Variants in REV3L observed in about 807,000 individuals in gnomAD.
REV3L encodes the protein DNA polymerase zeta catalytic subunit.
In REV3L, 69 loss-of-function variants were observed where a neutral mutation model predicts 299.4. The observed-to-expected ratio is 0.23, with a 90% CI of 0.19 to 0.28. The LOEUF is 0.28. Ranked by LOEUF, REV3L falls within the 10% of genes least tolerant of loss-of-function variation. The pLI is 1.00. For synonymous variants in REV3L, 1,238 were observed against 1,271.4 expected, an observed-to-expected ratio of 0.97 and a Z score of 0.56; for missense variants, 3,128 against 3,693.8, an observed-to-expected ratio of 0.85 and a Z score of 3.97.
chr6:111,377,181 A>C (rs1582758671), intron 12 of REV3L, among the ~76,000 whole-genome samples: 1 of 152,198 alleles, frequency 6.6e-6, no homozygotes, highest in East Asian at 1.9e-4. Flanking sequence ...TCCTTTTAGA[A>C]ATGAGAAGCA....
intron 11 of REV3L, among the ~76,000 whole-genome samples, chr6:111,378,197 G>C (rs1177100712): frequency 6.6e-6 from 1 of 152,174 alleles, no homozygotes; most frequent in African/African-American, 2.4e-5. Context: ...GGGCTGAAGA[G>C]AAAATGCTGA....
chr6:111,319,033 T>C (rs1029537552), intron 26 of REV3L, among the ~76,000 whole-genome samples: 3 of 152,218 alleles, frequency 2.0e-5, no homozygotes, highest in African/African-American at 4.8e-5. Flanking sequence ...AAAAGTGTTC[T>C]ATATCTTGAC....
intron 4 of REV3L, among the ~76,000 whole-genome samples, chr6:111,405,133 A>C (rs1042275837): frequency 3.9e-5 from 6 of 152,160 alleles, no homozygotes; most frequent in East Asian, 1.9e-4. Context: ...ATCACAATAC[A>C]TATCAATTGC....
chr6:111,306,812 G>C (rs1772363034), intron 31 of REV3L, among the ~76,000 whole-genome samples: 1 of 152,194 alleles, frequency 6.6e-6, no homozygotes. Flanking sequence ...GTAAGCACTA[G>C]TAGAGCAATT....
chr6:111,300,071 A>C lies in REV3L; in HGVS notation c.9338T>G (p.Val3113Gly). The change falls in exon 32 of 32, where the codon GTA (valine) becomes GGA (glycine). Residue 3113 changes from valine to glycine, a missense_variant. Val to Gly is a moderately radical substitution (Grantham distance 109). This residue lies in a region of REV3L where 294 missense variants were observed against 377.0 expected (regional missense o/e 0.78). Transcript: ENST00000368802. Reference protein sequence around the residue: ...NCPVLFKLSRVNRELSKAPYL... With the variant: ...NCPVLFKLSRGNRELSKAPYL... ...TGGTGCCTTGGACAATTCTCTATTT[A>C]CTCGGGAGAGTTTGAAAAGTACTGG... is the stretch of plus-strand genomic sequence containing the variant. 1 of 1,613,796 alleles carries C rather than the reference A, an allele frequency of 6.2e-7. No individual in the cohort carries two copies. The highest frequency in any genetic ancestry group is 8.5e-7 in the Non-Finnish European group (1 of 1,179,782).
chr6:111,432,262 A>G (rs1787028561), intron 1 of REV3L, among the ~76,000 whole-genome samples: 1 of 152,244 alleles, frequency 6.6e-6, no homozygotes, highest in African/African-American at 2.4e-5. Flanking sequence ...GGCAGAATGA[A>G]TTCTGTCTAA....
chr6:111,413,613 A>G (rs1784473441), intron 2 of REV3L, among the ~76,000 whole-genome samples: 1 of 152,064 alleles, frequency 6.6e-6, no homozygotes, highest in African/African-American at 2.4e-5. Context: ...ATGTAACTTA[A>G]GTAGGAAAAA....
chr6:111,449,943 G>GC (rs1193572329), intron 1 of REV3L, among the ~76,000 whole-genome samples: 1 of 152,082 alleles, frequency 6.6e-6, no homozygotes, highest in Non-Finnish European at 1.5e-5. Flanking sequence ...AATAGTTATT[G>GC]CAACTGTAAA....
chr6:111,343,309 T>C (rs1386277305), intron 21 of REV3L, among the ~76,000 whole-genome samples: 1 of 152,186 alleles, frequency 6.6e-6, no homozygotes, highest in Non-Finnish European at 1.5e-5. Flanking sequence ...CCAAGATAGA[T>C]TATGAATATT....
intron 1 of REV3L, among the ~76,000 whole-genome samples, chr6:111,425,650 C>CATAT (rs144467470): frequency 7.0e-4 from 103 of 147,920 alleles, no homozygotes; most frequent in African/African-American, 2.3e-3. Flanking sequence ...AATATGGCAC[C>CATAT]ATATATATAT....
At chr6:111,312,216 C>T (rs1386043605) in intron 28 of REV3L, 2 of 152,034 alleles carry the variant, frequency 1.3e-5, no homozygotes, top group East Asian at 1.9e-4. Flanking sequence ...ATTCTGCCTA[C>T]AGAGAAAGAA....
At chr6:111,300,538 ACT>A (rs980732542) in intron 31 of REV3L, among the ~76,000 whole-genome samples, 40 of 152,296 alleles carry the variant, frequency 2.6e-4, no homozygotes, top group East Asian at 5.8e-4. Flanking sequence ...TAAAAAAGTT[ACT>A]CTTTTTCGTA....
chr6:111,476,219 A>C (rs978327292), intron 1 of REV3L, among the ~76,000 whole-genome samples: 3 of 152,152 alleles, frequency 2.0e-5, no homozygotes, highest in Non-Finnish European at 2.9e-5. Context: ...GCAGTCATAC[A>C]ATCATGGCTC....
intron 1 of REV3L, among the ~76,000 whole-genome samples, chr6:111,449,770 A>G (rs1003987454): frequency 6.6e-6 from 1 of 152,168 alleles, no homozygotes; most frequent in Non-Finnish European, 1.5e-5. Context: ...AAATACAATG[A>G]TATCCAGAAC....
rs1466584399 is a variant in REV3L at position 111,375,080 on chromosome 6, T to A, written c.3275A>T (p.Tyr1092Phe). The change falls in exon 13 of 32, where the codon TAC (tyrosine) becomes TTC (phenylalanine). Residue 1092 changes from tyrosine to phenylalanine, a missense_variant. Tyr to Phe is a conservative substitution (Grantham distance 22, BLOSUM62 3). Coordinates refer to ENST00000368802, the MANE Select transcript of REV3L (RefSeq NM_001372078.1). ...HAILSPPSPS[Y>F]NAETEDCDLN... ...GTCACAATCTTCGGTTTCAGCATTG[T>A]AAGATGGTGAGGGAGGAGAAAGAAT... 6.2e-7 allele frequency: 1 copy of A among 1,613,948 alleles called. No individual in the cohort carries two copies. Among genetic ancestry groups the A allele is most frequent in the African/African-American group, 1.3e-5 (1 of 75,050 alleles).
chr6:111,357,144 G>T lies in REV3L; in HGVS notation c.7073-19C>A. Reference sequence around the variant, plus strand: ...CTGATATCTAAAAAACAAACAAAATGTCTATTATATATAACATTATATAAT... The same window carrying T: ...CTGATATCTAAAAAACAAACAAAATTTCTATTATATATAACATTATATAAT... On this transcript the variant is annotated intron_variant, in intron 17 of 31. Coordinates refer to ENST00000368802, the MANE Select transcript of REV3L (RefSeq NM_001372078.1). 1 of 1,111,220 alleles carries T rather than the reference G, an allele frequency of 9.0e-7. No homozygotes were observed. The highest frequency in any genetic ancestry group is 1.3e-6 in the Non-Finnish European group (1 of 765,268). 68.8% of individuals were successfully genotyped at this position (1,111,220 alleles called of 1,614,324 possible).
intron 31 of REV3L, among the ~76,000 whole-genome samples, chr6:111,301,844 A>G (rs1261737524): frequency 6.6e-6 from 1 of 152,240 alleles, no homozygotes; most frequent in African/African-American, 2.4e-5. Context: ...TAAAACATGA[A>G]GAACATAAAA....
At chr6:111,332,667 ATGT>A (rs1327155482) in intron 23 of REV3L, among the ~76,000 whole-genome samples, 1 of 152,204 alleles carries the variant, frequency 6.6e-6, no homozygotes, top group Non-Finnish European at 1.5e-5. Context: ...AGAATTTAAA[ATGT>A]TATTATCAGT....
intron 25 of REV3L, among the ~76,000 whole-genome samples, chr6:111,329,090 C>T (rs1004291264): frequency 1.3e-5 from 2 of 151,234 alleles, no homozygotes; most frequent in Admixed American, 6.6e-5. Context: ...GTCGCCCAGG[C>T]TGGAGTGCAA....
Sources: gnomAD v4.1 joint callset for allele counts (sites outside exome capture counted in the v4.1 genomes callset) on GRCh38, gnomAD v4.1.1 for gene constraint, gnomAD v4.1.1 regional missense constraint, MANE v1.5 for transcripts, NCBI Gene and HGNC (gene_info 2026-07-23, HGNC 2026-07-21) for gene names.